Variants in ZNF398 observed in about 807,000 individuals in gnomAD.
ZNF398 encodes zinc finger DNA binding protein ZER6.
ZNF398 carries 18 observed loss-of-function variants against 41.9 expected under a neutral mutation model. The observed-to-expected ratio is 0.43, with a 90% CI of 0.30 to 0.64. ZNF398 has a LOEUF of 0.64. Ranked by LOEUF, ZNF398 falls within the 30% of genes least tolerant of loss-of-function variation. The pLI, the probability that ZNF398 is intolerant of heterozygous loss-of-function variation, is 0.14. For missense variants in ZNF398, 669 were observed against 822.8 expected (o/e 0.81, Z 2.29); for synonymous variants, 260 against 308.8 (o/e 0.84, Z 1.66).
intron 4 of ZNF398, among the ~76,000 whole-genome samples, chr7:149,175,962 A>T (rs957764756): frequency 1.1e-4 from 16 of 152,086 alleles, no homozygotes; most frequent in Non-Finnish European, 1.8e-4. Flanking sequence ...CTGGGCTTAC[A>T]CGCGTGAGTT....
chr7:149,139,364 T>C (rs1826777230), intron 2 of ZNF398, among the ~76,000 whole-genome samples: 1 of 152,140 alleles, frequency 6.6e-6, no homozygotes, highest in Non-Finnish European at 1.5e-5. Flanking sequence ...TGGTCTATTG[T>C]TACTGTGTGA....
chr7:149,179,242 G>C lies in ZNF398; in HGVS notation c.1370G>C (p.Cys457Ser). The change falls in exon 6 of 6, where the codon TGT (cysteine) becomes TCT (serine). Residue 457 changes from cysteine to serine, a missense_variant. By Grantham distance (112) the Cys-to-Ser change is moderately radical. This residue lies in a region of ZNF398 where 210 missense variants were observed against 290.4 expected (regional missense o/e 0.72). Coordinates refer to ENST00000475153, the MANE Select transcript of ZNF398 (RefSeq NM_170686.3). The surrounding 1 kb of genome is among the most constrained non-coding windows in gnomAD (Gnocchi z 6.1). ...RAHASERPFR[C>S]AQCGRSFSLK... is the part of the protein sequence containing the mutation. ...CATGCAAGCGAAAGGCCCTTCCGCT[G>C]TGCCCAGTGCGGCAGGAGCTTCAGC... 6.2e-7 allele frequency: 1 copy of C among 1,613,332 alleles called. No individual in the cohort carries two copies.
At chr7:149,134,198 G>A (rs534125972) in intron 2 of ZNF398, among the ~76,000 whole-genome samples, 32 of 151,664 alleles carry the variant, frequency 2.1e-4, no homozygotes, top group African/African-American at 7.5e-4. Flanking sequence ...CCAAGTAGCT[G>A]GGATTACAGG....
Position 149,179,036 on chromosome 7 carries a change from C to T in ZNF398, c.1164C>T (p.Thr388=), listed in dbSNP as rs959808804. Residue 388 remains threonine (T), a synonymous_variant, in exon 6 of 6, where the codon ACC becomes ACT. Coordinates refer to ENST00000475153, the MANE Select transcript of ZNF398 (RefSeq NM_170686.3). This position sits in a 1 kb window ranked among gnomAD's most constrained non-coding sequence, Gnocchi z 6.1. ...HFTPQADLSS[T]SQDHASETPP... ...CTCCACAGGCGGACCTCAGCAGCACCTCCCAGGACCATGCCAGCGAGACAC... is the reference window on the plus strand; with the variant it reads ...CTCCACAGGCGGACCTCAGCAGCACTTCCCAGGACCATGCCAGCGAGACAC... 5 of 1,614,020 alleles carry T rather than the reference C, an allele frequency of 3.1e-6. No individual in the cohort carries two copies. Among genetic ancestry groups the T allele is most frequent in the Non-Finnish European group, 3.4e-6 (4 of 1,180,036 alleles).
At chr7:149,158,820 CG>C (rs1182183109) in intron 2 of ZNF398, among the ~76,000 whole-genome samples, 1 of 125,130 alleles carries the variant, frequency 8.0e-6, no homozygotes, top group Non-Finnish European at 1.7e-5. Context: ...GGTGACAGAG[CG>C]AAACACCGTT....
chr7:149,154,671 T>C (rs35919021), intron 2 of ZNF398, among the ~76,000 whole-genome samples: 7,605 of 152,130 alleles, frequency 0.05, 185 homozygotes, highest in Middle Eastern at 0.071. Flanking sequence ...TGCCAGATTC[T>C]TGGGGAGGAG....
chr7:149,135,963 A>T (rs770361586), intron 2 of ZNF398, among the ~76,000 whole-genome samples: 6 of 152,126 alleles, frequency 3.9e-5, no homozygotes, highest in Non-Finnish European at 7.3e-5. Flanking sequence ...AAAAACTAAT[A>T]ACAATAATAA....
chr7:149,167,864 GC>G (rs1308882201), intron 4 of ZNF398, among the ~76,000 whole-genome samples: 1 of 151,858 alleles, frequency 6.6e-6, no homozygotes, highest in African/African-American at 2.4e-5. Context: ...ACCCGCCTCG[GC>G]CTCCCAAAGT....
chr7:149,148,725 CA>C (rs1240695370), intron 1 of ZNF398, among the ~76,000 whole-genome samples: 1 of 152,144 alleles, frequency 6.6e-6, no homozygotes, highest in African/African-American at 2.4e-5. Flanking sequence ...AAGCCGCATA[CA>C]AAACTCTAAA....
At chr7:149,155,666 A>G (rs891466405) in intron 2 of ZNF398, among the ~76,000 whole-genome samples, 1 of 147,854 alleles carries the variant, frequency 6.8e-6, no homozygotes, top group Non-Finnish European at 1.5e-5. Context: ...GGTTTGAAGC[A>G]GAGGAATTAT....
At chr7:149,128,781 T>TAAA (rs1826537779) in intron 1 of ZNF398, 4 of 11,904 alleles carry the variant, frequency 3.4e-4, no homozygotes, top group East Asian at 0.013. Context: ...AAAATAAAAT[T>TAAA]ATATATATAT....
intron 2 of ZNF398, among the ~76,000 whole-genome samples, chr7:149,164,546 A>G (rs1795185985): frequency 6.6e-6 from 1 of 152,224 alleles, no homozygotes; most frequent in Non-Finnish European, 1.5e-5. Context: ...AAGGGAAAGG[A>G]AAAAGATTCA....
In ZNF398 at chr7:149,178,728, C is replaced by T; in HGVS notation, c.856C>T (p.Pro286Ser). 1 of 1,614,206 alleles carries T rather than the reference C, an allele frequency of 6.2e-7. No individual in the cohort carries two copies. Among genetic ancestry groups the T allele is most frequent in the South Asian group, 1.1e-5 (1 of 91,082 alleles). The change falls in exon 6 of 6, where the codon CCA (proline) becomes TCA (serine). Residue 286 changes from proline to serine, a missense_variant. Transcript: ENST00000475153. ...GGTTCCAGTCCCTTTCTCTTCTCCA[C>T]CAGCAGCAGCAAAGGATGCTTTTTC... ...PEVPVPFSSPPAAAKDAFSDV... is the reference protein window; with the variant it reads ...PEVPVPFSSPSAAAKDAFSDV...
chr7:149,149,549 A>G (rs1399972733), intron 1 of ZNF398, among the ~76,000 whole-genome samples: 1 of 152,136 alleles, frequency 6.6e-6, no homozygotes, highest in Non-Finnish European at 1.5e-5. Context: ...GATTTAAAAC[A>G]TTAATGGCCG....
intron 4 of ZNF398, among the ~76,000 whole-genome samples, chr7:149,167,426 T>C (rs1795247281): frequency 1.3e-5 from 2 of 152,138 alleles, no homozygotes; most frequent in South Asian, 2.1e-4. Context: ...GGCAGCTGCT[T>C]AACATTGTGT....
Position 149,178,863 on chromosome 7 carries a change from A to T in ZNF398, c.991A>T (p.Ser331Cys), listed in dbSNP as rs1563167604. ...ACAAGTGACTTTTACTCAGTTGGGTAGCTATCCCCTCCCACCTCCAGTTGG... is the reference window on the plus strand; with the variant it reads ...ACAAGTGACTTTTACTCAGTTGGGTTGCTATCCCCTCCCACCTCCAGTTGG... The part of the protein sequence containing the change: ...EGQVTFTQLG[S>C]YPLPPPVGEQ... Residue 331 changes from serine (S) to cysteine (C), a missense_variant, in exon 6 of 6, where the codon AGC (serine) becomes TGC (cysteine). This residue lies in a region of ZNF398 where 290 missense variants were observed against 292.9 expected (regional missense o/e 0.99). Coordinates refer to ENST00000475153, the MANE Select transcript of ZNF398 (RefSeq NM_170686.3). 6.2e-7 allele frequency: 1 copy of T among 1,614,124 alleles called. No homozygotes were observed.
chr7:149,126,731 G>C (rs1383834434), intron 1 of ZNF398: 1 of 154,220 alleles, frequency 6.5e-6, no homozygotes, highest in Non-Finnish European at 1.4e-5. Context: ...TTGTGAGGGG[G>C]TCCCGGGAAT....
chr7:149,142,436 G>A (rs564799954), intron 2 of ZNF398, among the ~76,000 whole-genome samples: 130 of 152,334 alleles, frequency 8.5e-4, no homozygotes, highest in African/African-American at 3.1e-3. Context: ...GGGAGGCCGA[G>A]GCGGGCGGAT....
intron 2 of ZNF398, among the ~76,000 whole-genome samples, chr7:149,158,179 G>GAA (rs1256639485): frequency 6.6e-6 from 1 of 151,120 alleles, no homozygotes; most frequent in Admixed American, 6.6e-5. Flanking sequence ...GGGCCAAGGA[G>GAA]AAAAAAAAAG....
Sources: gnomAD v4.1 joint callset for allele counts (sites outside exome capture counted in the v4.1 genomes callset) on GRCh38, gnomAD v4.1.1 for gene constraint, gnomAD v4.1.1 regional missense constraint, Gnocchi (gnomAD v3.1) non-coding constraint, MANE v1.5 for transcripts, NCBI Gene and HGNC (gene_info 2026-07-23, HGNC 2026-07-21) for gene names.